Variants in GLG1 observed in about 807,000 individuals in gnomAD.
The protein encoded by GLG1 is golgi glycoprotein 1, also known as Golgi apparatus protein 1.
Under a neutral mutation model 160.5 loss-of-function variants are expected in GLG1, and 38 were observed. That is an observed-to-expected ratio of 0.24 (90% confidence interval 0.18 to 0.31). The LOEUF (loss-of-function observed/expected upper bound fraction) is 0.31, where lower values mean the gene tolerates loss of function less well. Ranked by LOEUF, GLG1 falls within the 10% of genes least tolerant of loss-of-function variation. GLG1 has a pLI of 1.00. For missense variants in GLG1, 1,373 were observed against 1,505.2 expected, an observed-to-expected ratio of 0.91 and a Z score of 1.45; for synonymous variants, 644 against 543.4, an observed-to-expected ratio of 1.19 and a Z score of -2.57.
chr16:74,559,489 G>A (rs993428081), intron 1 of GLG1, among the ~76,000 whole-genome samples: 4 of 149,906 alleles, frequency 2.7e-5, no homozygotes, highest in African/African-American at 9.8e-5. Context: ...CGATGGGGGG[G>A]CAGGGGACAA....
chr16:74,530,633 CTTTT>C (rs548399536), intron 2 of GLG1, among the ~76,000 whole-genome samples: 2 of 144,016 alleles, frequency 1.4e-5, no homozygotes, highest in Non-Finnish European at 3.1e-5. Flanking sequence ...TGTATTTATC[CTTTT>C]TTTTTTTTTC....
chr16:74,546,774 G>A (rs2018057904), intron 1 of GLG1, among the ~76,000 whole-genome samples: 1 of 136,018 alleles, frequency 7.4e-6, no homozygotes, highest in Non-Finnish European at 1.5e-5. Context: ...GGAAGCGGAG[G>A]TTGCAGTGAG....
Position 74,452,898 on chromosome 16 carries a change from G to A in GLG1, c.*269C>T. 8.7e-7 allele frequency: 1 copy of A among 1,152,658 alleles called. No homozygotes were observed. Among genetic ancestry groups the A allele is most frequent in the Non-Finnish European group, 1.1e-6 (1 of 937,428 alleles). 71.4% of individuals were successfully genotyped at this position (1,152,658 alleles called of 1,614,324 possible). A position where few individuals can be genotyped will look rare whatever the true frequency, so the allele number is the denominator to read the frequency against. ...AGTACCGGAAGTTCTGTTGGTATGA[G>A]AGAGACTTGTCTACAGGCAGGTAAA... is the stretch of plus-strand genomic sequence containing the variant. On this transcript the variant is annotated 3_prime_UTR_variant, in exon 26 of 26. Transcript: ENST00000422840.
At chr16:74,533,832 T>A (rs1177986014) in intron 1 of GLG1, among the ~76,000 whole-genome samples, 1 of 152,186 alleles carries the variant, frequency 6.6e-6, no homozygotes, top group Non-Finnish European at 1.5e-5. Flanking sequence ...AATCTGTTTA[T>A]ATAAAGTGAA....
In GLG1 at chr16:74,549,326, C is replaced by T. The variant is rs2143690154; in HGVS notation, c.439-17173G>A. Reference sequence around the variant, plus strand: ...TCTTTTTTTTTGATATGGAGTCTTGCTCTGTTGCCCAGGCTGAAGTGCAGT... The same window carrying T: ...TCTTTTTTTTTGATATGGAGTCTTGTTCTGTTGCCCAGGCTGAAGTGCAGT... On this transcript the variant is annotated intron_variant, in intron 1 of 25. Coordinates refer to ENST00000422840, the MANE Select transcript of GLG1 (RefSeq NM_001145667.2). Among the ~76,000 whole-genome samples the T allele has an allele frequency of 2.6e-5, 4 of 152,014 alleles. No individual in the cohort carries two copies. The Middle Eastern group carries it at 0.01, about 388-fold the overall frequency.
At chr16:74,475,157 CAAAAAAAAA>C in intron 12 of GLG1, among the ~76,000 whole-genome samples, 1 of 52,856 alleles carries the variant, frequency 1.9e-5, no homozygotes, top group South Asian at 7.1e-4. Context: ...AACTCCGTCT[CAAAAAAAAA>C]AAAAAAAAAA....
In GLG1 at chr16:74,604,634, C is replaced by G. The variant is rs116853400; in HGVS notation, c.438+2023G>C. On this transcript the variant is annotated intron_variant, in intron 1 of 25. Coordinates refer to ENST00000422840, the MANE Select transcript of GLG1 (RefSeq NM_001145667.2). Reference sequence around the variant, plus strand: ...CAGCAAATACAAAACATATTCTATACATGTTTCTTCAAATGTGCCTAACTA... The same window carrying G: ...CAGCAAATACAAAACATATTCTATAGATGTTTCTTCAAATGTGCCTAACTA... Among the ~76,000 whole-genome samples the G allele has an allele frequency of 7.9e-3, 1,200 of 152,324 alleles. 2 individuals are homozygous for G. Among genetic ancestry groups the G allele is most frequent in the Middle Eastern group, 0.014 (4 of 294 alleles).
chr16:74,527,938 G>A (rs2017393371), intron 2 of GLG1, among the ~76,000 whole-genome samples: 1 of 145,006 alleles, frequency 6.9e-6, no homozygotes, highest in Non-Finnish European at 1.5e-5. Flanking sequence ...AGGCTGAAGT[G>A]CAGTGGTGCA....
intron 18 of GLG1, among the ~76,000 whole-genome samples, chr16:74,467,320 A>G (rs892160012): frequency 2.6e-5 from 4 of 152,168 alleles, no homozygotes; most frequent in African/African-American, 9.7e-5. Flanking sequence ...ACAATTCTGG[A>G]TAGGGTCCTG....
intron 13 of GLG1, chr16:74,474,248 G>A (rs577193149): frequency 1.5e-4 from 35 of 236,140 alleles, no homozygotes; most frequent in South Asian, 2.2e-4. Context: ...CACCGCTCCC[G>A]GCCGTACAGC....
chr16:74,566,566 T>G (rs1404194445), intron 1 of GLG1, among the ~76,000 whole-genome samples: 1 of 152,218 alleles, frequency 6.6e-6, no homozygotes, highest in African/African-American at 2.4e-5. Flanking sequence ...TGTCATGACT[T>G]TAATCCAGAC....
intron 10 of GLG1, among the ~76,000 whole-genome samples, chr16:74,482,348 C>T (rs1281235992): frequency 1.3e-5 from 2 of 152,094 alleles, no homozygotes; most frequent in Non-Finnish European, 2.9e-5. Context: ...GGCTTAACAA[C>T]CGAATGGAGA....
chr16:74,453,475 A>G lies in GLG1; in HGVS notation c.3373-141T>C, dbSNP rs1033466973. ...GGAGGGCAGGAGATAAGAAAAATCA[A>G]CACAGAGCTACAACTCTTTTTCCTG... is the stretch of plus-strand genomic sequence containing the variant. On this transcript the variant is annotated intron_variant, in intron 25 of 25. Coordinates refer to ENST00000422840, the MANE Select transcript of GLG1 (RefSeq NM_001145667.2). 9 of 612,582 alleles carry G rather than the reference A, an allele frequency of 1.5e-5. No homozygotes were observed. In the African/African-American group the frequency reaches 1.7e-4, roughly 11 times the overall value. 37.9% of individuals were successfully genotyped at this position (612,582 alleles called of 1,614,324 possible).
chr16:74,542,182 T>TTTA (rs926050064), intron 1 of GLG1, among the ~76,000 whole-genome samples: 1 of 147,634 alleles, frequency 6.8e-6, no homozygotes, highest in African/African-American at 2.5e-5. Flanking sequence ...ATAGCTAACT[T>TTTA]TTACATGGGA....
intron 1 of GLG1, among the ~76,000 whole-genome samples, chr16:74,533,716 G>C (rs937705816): frequency 1.3e-5 from 2 of 152,142 alleles, no homozygotes; most frequent in Admixed American, 1.3e-4. Flanking sequence ...AGGAAACAGA[G>C]ATTGCAGTGA....
At chr16:74,454,829 G>A (rs2014470606) in intron 25 of GLG1, among the ~76,000 whole-genome samples, 1 of 150,920 alleles carries the variant, frequency 6.6e-6, no homozygotes, top group African/African-American at 2.4e-5. Context: ...ACTGCACCCA[G>A]CCTGTATTTT....
Position 74,480,242 on chromosome 16 carries a change from C to G in GLG1, c.1826G>C (p.Arg609Thr). The G allele has an allele frequency of 6.2e-7, 1 of 1,607,220 alleles. No individual in the cohort carries two copies. Among genetic ancestry groups the G allele is most frequent in the Non-Finnish European group, 8.5e-7 (1 of 1,173,864 alleles). Residue 609 changes from arginine (R) to threonine (T), a missense_variant and splice_region_variant, in exon 11 of 26, where the codon AGG (arginine) becomes ACG (threonine). Physicochemically the swap from Arg to Thr is moderately conservative, Grantham distance 71 (BLOSUM62 -1). This residue lies in a region of GLG1 where 386 missense variants were observed against 388.5 expected (regional missense o/e 0.99). Transcript: ENST00000422840. ...ATGAAGTCGATATTCACTGCATACC[C>G]TCCTTCCCTGTTCCTCAGTGCGGTA... ...HAYRTEEQGR[R>T]LSRECRAEVQ... is the part of the protein sequence containing the mutation.
At chr16:74,489,640 C>T (rs1323817156) in intron 8 of GLG1, among the ~76,000 whole-genome samples, 1 of 152,166 alleles carries the variant, frequency 6.6e-6, no homozygotes, top group Non-Finnish European at 1.5e-5. Flanking sequence ...AACAACTGCA[C>T]CCTAGAAACA....
intron 1 of GLG1, among the ~76,000 whole-genome samples, chr16:74,569,526 C>T (rs941446399): frequency 6.6e-6 from 1 of 152,090 alleles, no homozygotes; most frequent in African/African-American, 2.4e-5. Context: ...CAGAGTCTAG[C>T]TTATCATTAT....
Sources: allele counts gnomAD v4.1 joint callset (sites outside exome capture counted in the v4.1 genomes callset), GRCh38; gene constraint gnomAD v4.1.1; regional missense constraint gnomAD v4.1.1; transcripts MANE v1.5; gene names NCBI Gene and HGNC (gene_info 2026-07-23, HGNC 2026-07-21).